Variants in PPARG observed in about 807,000 individuals in gnomAD.
PPARG encodes the protein peroxisome proliferator-activated receptor gamma.
Under a neutral mutation model 39.2 loss-of-function variants are expected in PPARG, and 17 were observed. That is an observed-to-expected ratio of 0.43 (90% CI 0.30 to 0.65). The LOEUF is 0.65. Ranked by LOEUF, PPARG falls within the 30% of genes least tolerant of loss-of-function variation. PPARG has a pLI of 0.13. For synonymous variants in PPARG, 223 were observed against 215.7 expected, an observed-to-expected ratio of 1.03 and a Z score of -0.30; for missense variants, 406 against 585.9, an observed-to-expected ratio of 0.69 and a Z score of 3.17.
At chr3:12,414,875 G>A (rs889012258) in intron 6 of PPARG, among the ~76,000 whole-genome samples, 21 of 152,020 alleles carry the variant, frequency 1.4e-4, no homozygotes, top group Admixed American at 5.9e-4. Context: ...TGAATTTTTT[G>A]GTAACAAAAG....
At chr3:12,407,954 C>T (rs4135281) in intron 6 of PPARG, among the ~76,000 whole-genome samples, 542 of 152,272 alleles carry the variant, frequency 3.6e-3, no homozygotes, top group Middle Eastern at 0.014. Flanking sequence ...CTATTATTAT[C>T]CTCTTTATTT....
intron 5 of PPARG, among the ~76,000 whole-genome samples, chr3:12,400,704 A>C (rs2050441852): frequency 1.3e-5 from 2 of 152,206 alleles, no homozygotes; most frequent in South Asian, 4.1e-4. Context: ...AGCCTCAAAA[A>C]CTAGACAAAT....
chr3:12,408,152 C>A (rs1373642), intron 6 of PPARG, among the ~76,000 whole-genome samples: 16,094 of 152,140 alleles, frequency 0.11, 2,796 homozygotes, highest in African/African-American at 0.36. Flanking sequence ...TGGTAGTAAG[C>A]CAGGGAGACA....
chr3:12,340,194 G>A (rs2048143147), intron 2 of PPARG, among the ~76,000 whole-genome samples: 1 of 152,226 alleles, frequency 6.6e-6, no homozygotes, highest in African/African-American at 2.4e-5. Context: ...TAAGGAAGGA[G>A]TTGTGCTCTT....
intron 4 of PPARG, among the ~76,000 whole-genome samples, chr3:12,387,061 A>G (rs766212684): frequency 2.6e-5 from 4 of 152,182 alleles, no homozygotes; most frequent in Admixed American, 1.3e-4. Context: ...ATCCTTTTTT[A>G]TGGCTGCATA....
chr3:12,296,216 C>CT (rs2046779063), intron 1 of PPARG, among the ~76,000 whole-genome samples: 1 of 135,528 alleles, frequency 7.4e-6, no homozygotes, highest in Non-Finnish European at 1.5e-5. Context: ...GATTGTGCCA[C>CT]TGCACTCTAG....
At chr3:12,334,118 T>C (rs2047941585) in intron 2 of PPARG, among the ~76,000 whole-genome samples, 1 of 152,218 alleles carries the variant, frequency 6.6e-6, no homozygotes, top group African/African-American at 2.4e-5. Flanking sequence ...AGCAGGCTTA[T>C]ACTTCTTTGT....
chr3:12,367,765 TTGGAAGGCTGAAG>T (rs1308222013), intron 2 of PPARG, among the ~76,000 whole-genome samples: 5 of 151,820 alleles, frequency 3.3e-5, no homozygotes, highest in African/African-American at 4.8e-5. Context: ...TCCCAGCTAC[TTGGAAGGCTGAAG>T]TGGAAGGATC....
At chr3:12,358,392 C>G (rs533505581) in intron 2 of PPARG, among the ~76,000 whole-genome samples, 1 of 152,294 alleles carries the variant, frequency 6.6e-6, no homozygotes, top group South Asian at 2.1e-4. Flanking sequence ...TCAGTTCTGT[C>G]TTCTTCTCAT....
intron 2 of PPARG, among the ~76,000 whole-genome samples, chr3:12,358,694 T>C (rs1476520868): frequency 1.3e-5 from 2 of 152,182 alleles, no homozygotes; most frequent in Non-Finnish European, 2.9e-5. Context: ...GATAATGGGT[T>C]GGCCAGATTT....
At chr3:12,313,199 A>G (rs2047297681) in intron 2 of PPARG, among the ~76,000 whole-genome samples, 1 of 152,190 alleles carries the variant, frequency 6.6e-6, no homozygotes, top group African/African-American at 2.4e-5. Flanking sequence ...CTGCAAATAA[A>G]TGAAATCCAC....
At chr3:12,430,137 T>C (rs1439189813) in intron 7 of PPARG, among the ~76,000 whole-genome samples, 3 of 152,232 alleles carry the variant, frequency 2.0e-5, no homozygotes, top group Admixed American at 6.5e-5. Context: ...TCTTGAGCCT[T>C]ATCTCAATGG....
intron 2 of PPARG, among the ~76,000 whole-genome samples, chr3:12,363,324 T>C (rs76405109): frequency 6.6e-6 from 1 of 152,210 alleles, no homozygotes; most frequent in African/African-American, 2.4e-5. Flanking sequence ...TACTATATGG[T>C]ATAACTAATG....
intron 6 of PPARG, among the ~76,000 whole-genome samples, chr3:12,408,595 G>A (rs1258649785): frequency 7.2e-6 from 1 of 138,122 alleles, no homozygotes; most frequent in African/African-American, 2.7e-5. Context: ...TTGAGGTGGG[G>A]TCTTGCTTTG....
intron 6 of PPARG, among the ~76,000 whole-genome samples, chr3:12,409,618 AGTGGCTATGGCTGT>A (rs2307991): frequency 0.31 from 46,405 of 152,032 alleles, 7,878 homozygotes; most frequent in East Asian, 0.42. Context: ...GGTATATAAA[AGTGGCTATGGCTGT>A]GCAGCAGAGC....
chr3:12,404,357 A>G (rs969098132), intron 5 of PPARG, among the ~76,000 whole-genome samples: 3 of 152,198 alleles, frequency 2.0e-5, no homozygotes, highest in Admixed American at 6.5e-5. Context: ...GGGTCAATGG[A>G]AATGAATTTA....
chr3:12,335,314 T>G (rs2047980130), intron 2 of PPARG, among the ~76,000 whole-genome samples: 2 of 152,244 alleles, frequency 1.3e-5, no homozygotes, highest in African/African-American at 4.8e-5. Context: ...GTTCAGAATT[T>G]ACTAAATTGA....
At chr3:12,352,356 G>C (rs916661054) in intron 2 of PPARG, among the ~76,000 whole-genome samples, 5 of 152,154 alleles carry the variant, frequency 3.3e-5, no homozygotes, top group African/African-American at 1.2e-4. Flanking sequence ...AATGCCTATT[G>C]CAAGTGACTA....
At chr3:12,334,561 T>A (rs1230551527) in intron 2 of PPARG, among the ~76,000 whole-genome samples, 4 of 152,036 alleles carry the variant, frequency 2.6e-5, no homozygotes, top group Non-Finnish European at 4.4e-5. Context: ...AAGTTTAGAG[T>A]TTACTCCCTG....
Sources: gnomAD v4.1 joint callset for allele counts (sites outside exome capture counted in the v4.1 genomes callset) on GRCh38, gnomAD v4.1.1 for gene constraint, MANE v1.5 for transcripts, NCBI Gene and HGNC (gene_info 2026-07-23, HGNC 2026-07-21) for gene names.